Variants in MIPOL1 observed in about 807,000 individuals in gnomAD.
MIPOL1 encodes mirror-image polydactyly gene 1 protein.
A neutral mutation model predicts 60.9 loss-of-function variants in MIPOL1; 57 were observed. That is an observed-to-expected ratio of 0.94 (90% CI 0.76 to 1.17). MIPOL1 has a LOEUF of 1.17. Among genes scored for constraint, MIPOL1 ranks in the 50% most tolerant of loss-of-function variants. The pLI is 0.00. For synonymous variants in MIPOL1, 179 were observed against 168.8 expected (o/e 1.06, Z -0.47); for missense variants, 551 against 511.6 (o/e 1.08, Z -0.74).
intron 1 of MIPOL1, among the ~76,000 whole-genome samples, chr14:37,203,267 CTGTT>C (rs1250744128): frequency 2.6e-5 from 4 of 152,100 alleles, no homozygotes; most frequent in Non-Finnish European, 5.9e-5. Flanking sequence ...GGCTCACTAC[CTGTT>C]TGTTTTAACT....
intron 9 of MIPOL1, among the ~76,000 whole-genome samples, chr14:37,333,448 A>G (rs1296624042): frequency 6.6e-6 from 1 of 152,160 alleles, no homozygotes; most frequent in African/African-American, 2.4e-5. Flanking sequence ...AAAGACAGAT[A>G]CTGTGACATA....
intron 9 of MIPOL1, among the ~76,000 whole-genome samples, chr14:37,311,500 G>T (rs2087318057): frequency 6.6e-6 from 1 of 152,078 alleles, no homozygotes; most frequent in Non-Finnish European, 1.5e-5. Flanking sequence ...GAGTTGTTTA[G>T]TTATTTTAAT....
At chr14:37,338,610 T>C (rs1432101691) in intron 9 of MIPOL1, among the ~76,000 whole-genome samples, 1 of 151,876 alleles carries the variant, frequency 6.6e-6, no homozygotes, top group African/African-American at 2.4e-5. Context: ...GCTTTTGCCG[T>C]GTTTCCCAGG....
intron 7 of MIPOL1, among the ~76,000 whole-genome samples, chr14:37,302,936 A>C (rs910836238): frequency 6.6e-6 from 1 of 151,898 alleles, no homozygotes; most frequent in Non-Finnish European, 1.5e-5. Context: ...TAATATAGTC[A>C]TTAAAACTTT....
intron 11 of MIPOL1, among the ~76,000 whole-genome samples, chr14:37,445,276 C>T (rs1035897373): frequency 6.6e-6 from 1 of 152,052 alleles, no homozygotes; most frequent in Non-Finnish European, 1.5e-5. Context: ...TTCTTATACA[C>T]CAATAACAGA....
At chr14:37,215,553 A>G (rs1967506492) in intron 1 of MIPOL1, among the ~76,000 whole-genome samples, 1 of 152,198 alleles carries the variant, frequency 6.6e-6, no homozygotes, top group African/African-American at 2.4e-5. Flanking sequence ...CACTAGAGGA[A>G]GACAGGATGG....
intron 10 of MIPOL1, among the ~76,000 whole-genome samples, chr14:37,396,180 T>C (rs911685272): frequency 1.3e-5 from 2 of 152,170 alleles, no homozygotes; most frequent in African/African-American, 4.8e-5. Context: ...TAGTGGTGAA[T>C]TCTCTCACCA....
chr14:37,325,566 C>G (rs2089074380), intron 9 of MIPOL1, among the ~76,000 whole-genome samples: 1 of 149,484 alleles, frequency 6.7e-6, no homozygotes, highest in South Asian at 2.1e-4. Flanking sequence ...CTCTTCCTTT[C>G]TTTCTCTTCT....
intron 3 of MIPOL1, among the ~76,000 whole-genome samples, chr14:37,263,812 A>G (rs1488959192): frequency 3.9e-5 from 6 of 152,222 alleles, no homozygotes; most frequent in Non-Finnish European, 7.3e-5. Context: ...TTTCCGTTTC[A>G]AACCATATGA....
At chr14:37,318,938 C>T (rs1407393334) in intron 9 of MIPOL1, among the ~76,000 whole-genome samples, 2 of 152,058 alleles carry the variant, frequency 1.3e-5, no homozygotes, top group East Asian at 1.9e-4. Context: ...GTCCCAGGCT[C>T]AGGTGATCCT....
At chr14:37,480,451 T>C (rs1279515894) in intron 11 of MIPOL1, among the ~76,000 whole-genome samples, 1 of 151,852 alleles carries the variant, frequency 6.6e-6, no homozygotes, top group Non-Finnish European at 1.5e-5. Flanking sequence ...ACAAAAGCCA[T>C]GTGGTTATCT....
chr14:37,211,765 A>T (rs1310556301), intron 1 of MIPOL1, among the ~76,000 whole-genome samples: 1 of 151,826 alleles, frequency 6.6e-6, no homozygotes, highest in African/African-American at 2.4e-5. Context: ...TGCTGGCATC[A>T]CCCCTCACCT....
At chr14:37,308,256 T>G in intron 8 of MIPOL1, 93 bp from the exon 9 acceptor site, 2 of 1,238,210 alleles carry the variant, frequency 1.6e-6, no homozygotes, top group Admixed American at 5.1e-5. Context: ...ACTCAGTCAA[T>G]TTACAATTCA....
chr14:37,280,965 G>A (rs8019983), intron 6 of MIPOL1, among the ~76,000 whole-genome samples: 150,527 of 152,322 alleles, frequency 0.99, 74,400 homozygotes, highest in Middle Eastern at 1. Context: ...CTACACTGTA[G>A]GTTGTCTCAT....
rs1389898062 is a variant in MIPOL1 at position 37,482,110 on chromosome 14, C to T, written c.1032-17798C>T. ...ATGAAACTAAAAAGCTTCTGTACAT[C>T]AAAGAAAACAATTAACAGTATGATG... is the stretch of plus-strand genomic sequence containing the variant. On this transcript the variant is annotated intron_variant, in intron 11 of 12. Coordinates refer to ENST00000684589, the MANE Select transcript of MIPOL1 (RefSeq NM_001388067.1). 2.6e-5 allele frequency among the ~76,000 whole-genome samples: 4 copies of T among 151,954 alleles called. No homozygotes were observed. The East Asian group carries it at 7.7e-4, about 29-fold the overall frequency.
At chr14:37,532,469 T>C (rs1023097491) in intron 12 of MIPOL1, among the ~76,000 whole-genome samples, 1 of 152,200 alleles carries the variant, frequency 6.6e-6, no homozygotes, top group Admixed American at 6.5e-5. Context: ...GCTTGAGAAA[T>C]ATTAACTGTG....
intron 12 of MIPOL1, chr14:37,504,470 C>G (rs2095256070): frequency 1.3e-5 from 2 of 152,184 alleles, no homozygotes; most frequent in Non-Finnish European, 2.9e-5. Flanking sequence ...AACTGAACAA[C>G]TACGTGGAAA....
chr14:37,397,739 T>G (rs945825112), intron 10 of MIPOL1, among the ~76,000 whole-genome samples: 3 of 151,990 alleles, frequency 2.0e-5, no homozygotes, highest in African/African-American at 7.3e-5. Flanking sequence ...TCATGCACGT[T>G]GTCAGGAAAG....
intron 11 of MIPOL1, among the ~76,000 whole-genome samples, chr14:37,493,386 A>G (rs1026560345): frequency 2.0e-5 from 3 of 152,176 alleles, no homozygotes; most frequent in Admixed American, 6.6e-5. Context: ...ATAGAGAGTC[A>G]GGGACCAGGA....
Sources: gnomAD v4.1 joint callset for allele counts (sites outside exome capture counted in the v4.1 genomes callset) on GRCh38, gnomAD v4.1.1 for gene constraint, MANE v1.5 for transcripts, NCBI Gene and HGNC (gene_info 2026-07-23, HGNC 2026-07-21) for gene names.